The following P2RY6 variants were observed in gnomAD, a reference collection of about 807,000 sequenced individuals.
P2RY6 encodes P2Y purinoceptor 6.
P2RY6 carries 19 observed loss-of-function variants against 16.3 expected under a neutral mutation model. That is an observed-to-expected ratio of 1.16 (90% CI 0.81 to 1.71). P2RY6 has a LOEUF of 1.71. Among genes scored for constraint, P2RY6 ranks in the 40% most tolerant of loss-of-function variants. P2RY6 has a pLI of 0.00. For missense variants in P2RY6, 389 were observed against 455.5 expected, an observed-to-expected ratio of 0.85 and a Z score of 1.33; for synonymous variants, 184 against 201.5, an observed-to-expected ratio of 0.91 and a Z score of 0.74.
At chr11:73,293,053 G>A (rs539232620) in intron 1 of P2RY6, 6 of 341,686 alleles carry the variant, frequency 1.8e-5, no homozygotes, top group Non-Finnish European at 2.5e-5. Flanking sequence ...GAGGGCCACA[G>A]AGTTAGGAGG....
chr11:73,273,979 G>A (rs1283181142), intron 1 of P2RY6, among the ~76,000 whole-genome samples: 2 of 152,118 alleles, frequency 1.3e-5, no homozygotes, highest in Admixed American at 6.6e-5. Flanking sequence ...GGGACTACAG[G>A]CATGTATCAC....
chr11:73,297,347 G>A lies in P2RY6; in HGVS notation c.829G>A (p.Glu277Lys). Residue 277 changes from glutamate (E) to lysine (K), a missense_variant, in exon 3 of 3, where the codon GAG becomes AAG. Glu to Lys is a moderately conservative substitution (Grantham distance 56, BLOSUM62 1). Coordinates refer to ENST00000540124, the MANE Select transcript of P2RY6 (RefSeq NM_001277204.2). ...GCCGGGCGTCCCCTGCACTGTATTG[G>A]AGGCCTTTGCAGCGGCCTACAAAGG... ...STPGVPCTVL[E>K]AFAAAYKGTR... The A allele has an allele frequency of 6.2e-7, 1 of 1,612,456 alleles. No homozygotes were observed. The highest frequency in any genetic ancestry group is 8.5e-7 in the Non-Finnish European group (1 of 1,180,016).
At chr11:73,279,730 A>T (rs1863681349) in intron 1 of P2RY6, among the ~76,000 whole-genome samples, 1 of 152,188 alleles carries the variant, frequency 6.6e-6, no homozygotes, top group Non-Finnish European at 1.5e-5. Flanking sequence ...GCAAACTCTA[A>T]TTGGTTGCCC....
At chr11:73,273,092 G>GA (rs35651681) in intron 1 of P2RY6, among the ~76,000 whole-genome samples, 1,585 of 130,748 alleles carry the variant, frequency 0.012, 7 homozygotes, top group South Asian at 0.024. Flanking sequence ...GAGTGGTTTG[G>GA]AAAAAAAAAA....
intron 1 of P2RY6, among the ~76,000 whole-genome samples, chr11:73,290,238 AAGAG>A (rs1223588040): frequency 6.7e-5 from 10 of 149,036 alleles, no homozygotes; most frequent in African/African-American, 2.3e-4. Context: ...GAAAGAAAGA[AAGAG>A]AGAGTCAGAG....
chr11:73,277,134 GAC>G (rs1190855597), intron 1 of P2RY6, among the ~76,000 whole-genome samples: 1 of 147,052 alleles, frequency 6.8e-6, no homozygotes, highest in Non-Finnish European at 1.5e-5. Context: ...TTTTTTTTGA[GAC>G]ACAGTTTCAC....
chr11:73,289,795 TG>T (rs1565170063), intron 1 of P2RY6, among the ~76,000 whole-genome samples: 1 of 152,234 alleles, frequency 6.6e-6, no homozygotes, highest in African/African-American at 2.4e-5. Context: ...GCCACCTGGC[TG>T]GGATAGCTTG....
At chr11:73,294,408 C>G (rs748111252) in intron 1 of P2RY6, among the ~76,000 whole-genome samples, 1 of 152,202 alleles carries the variant, frequency 6.6e-6, no homozygotes, top group Non-Finnish European at 1.5e-5. Context: ...AGAGAATGAA[C>G]ATGTGAATGA....
At chr11:73,274,991 T>C (rs1171410841) in intron 1 of P2RY6, among the ~76,000 whole-genome samples, 11 of 152,250 alleles carry the variant, frequency 7.2e-5, no homozygotes, top group African/African-American at 2.7e-4. Flanking sequence ...TGGGGTGATA[T>C]ATTGCTGCTT....
At chr11:73,283,226 A>G (rs2135720911) in intron 1 of P2RY6, among the ~76,000 whole-genome samples, 1 of 152,222 alleles carries the variant, frequency 6.6e-6, no homozygotes, top group South Asian at 2.1e-4. Context: ...CCCCAGGGGC[A>G]GTAATCTGGG....
chr11:73,291,919 A>G (rs891955758), intron 1 of P2RY6, among the ~76,000 whole-genome samples: 5 of 152,230 alleles, frequency 3.3e-5, no homozygotes, highest in Admixed American at 3.3e-4. Flanking sequence ...CTTTCCCCAC[A>G]CCATCCTCCC....
At chr11:73,296,054 C>T (rs556653016) in intron 2 of P2RY6, among the ~76,000 whole-genome samples, 62 of 151,906 alleles carry the variant, frequency 4.1e-4, no homozygotes, top group African/African-American at 1.4e-3. Context: ...AGGCAGGTGC[C>T]GCATTCCCCC....
At chr11:73,293,776 G>T (rs558182108) in intron 1 of P2RY6, among the ~76,000 whole-genome samples, 32 of 152,310 alleles carry the variant, frequency 2.1e-4, no homozygotes, top group Admixed American at 3.9e-4. Flanking sequence ...GGTCCCAGGA[G>T]GATCAGTCTC....
upstream of P2RY6, among the ~76,000 whole-genome samples, chr11:73,268,809 C>T (rs1291971221): frequency 6.6e-6 from 1 of 152,224 alleles, no homozygotes; most frequent in Non-Finnish European, 1.5e-5. Context: ...TGTTTTCCCT[C>T]CTGACTCCTG....
At chr11:73,272,309 C>T, upstream of P2RY6, 1 of 984,424 alleles carries the variant, frequency 1.0e-6, no homozygotes, top group Non-Finnish European at 1.2e-6. Flanking sequence ...CTCCCCAGGT[C>T]TCTCGGTTTC....
intron 1 of P2RY6, among the ~76,000 whole-genome samples, chr11:73,294,169 T>G (rs750486431): frequency 6.6e-6 from 1 of 152,118 alleles, no homozygotes; most frequent in Non-Finnish European, 1.5e-5. Flanking sequence ...ACCCGGAGTG[T>G]CCTTACACCC....
intron 1 of P2RY6, among the ~76,000 whole-genome samples, chr11:73,280,225 T>G (rs1019315974): frequency 6.6e-6 from 1 of 152,180 alleles, no homozygotes; most frequent in Non-Finnish European, 1.5e-5. Flanking sequence ...TCATTCTTTC[T>G]TCCTGTGCTA....
intron 1 of P2RY6, among the ~76,000 whole-genome samples, chr11:73,291,389 G>A (rs12803970): frequency 0.16 from 24,100 of 152,122 alleles, 2,243 homozygotes; most frequent in Middle Eastern, 0.24. Context: ...GAGTGGGTAC[G>A]GGAGGTTGTC....
intron 1 of P2RY6, 22 bp from the exon 2 acceptor site, chr11:73,295,708 A>T: frequency 6.4e-6 from 6 of 940,102 alleles, no homozygotes; most frequent in Non-Finnish European, 7.6e-6. Context: ...ACTGGGTATC[A>T]CCTCCTTCCC....
Sources: gnomAD v4.1 joint callset for allele counts (sites outside exome capture counted in the v4.1 genomes callset) on GRCh38, gnomAD v4.1.1 for gene constraint, MANE v1.5 for transcripts, NCBI Gene and HGNC (gene_info 2026-07-23, HGNC 2026-07-21) for gene names.